Variants in EGFR observed in about 807,000 individuals in gnomAD.
The protein encoded by EGFR is epidermal growth factor receptor.
EGFR carries 58 observed loss-of-function variants against 143.0 expected under a neutral mutation model. That is an observed-to-expected ratio of 0.41 (90% CI 0.33 to 0.50). The LOEUF is 0.50. Ranked by LOEUF, EGFR falls within the 20% of genes least tolerant of loss-of-function variation. The pLI, the probability that EGFR is intolerant of heterozygous loss-of-function variation, is 0.39. For missense variants in EGFR, 1,307 were observed against 1,579.0 expected, an observed-to-expected ratio of 0.83 and a Z score of 2.92; for synonymous variants, 613 against 594.4, an observed-to-expected ratio of 1.03 and a Z score of -0.45.
intron 1 of EGFR, among the ~76,000 whole-genome samples, chr7:55,099,076 T>C (rs10273541): frequency 0.014 from 2,061 of 152,322 alleles, 49 homozygotes; most frequent in African/African-American, 0.047. Context: ...AAACAGAAGA[T>C]GAAAATCAAT....
In EGFR at chr7:55,193,555, T is replaced by A. The variant is rs1413113902; in HGVS notation, c.2701+714T>A. On this transcript the variant is annotated intron_variant, in intron 22 of 27. Transcript: ENST00000275493. Reference sequence around the variant, plus strand: ...TGTCTCTGACCGCTGTGCCAGGCATTTTCTGCTGAATTACCGCACTTGGTC... The same window carrying A: ...TGTCTCTGACCGCTGTGCCAGGCATATTCTGCTGAATTACCGCACTTGGTC... 3.9e-5 allele frequency among the ~76,000 whole-genome samples: 6 copies of A among 152,176 alleles called. No individual in the cohort carries two copies. The South Asian group carries it at 6.2e-4, about 16-fold the overall frequency.
rs1464009610 is a variant in EGFR, at chr7:55,201,797, C to T, written c.3162+15C>T. On this transcript the variant is annotated intron_variant, in intron 26 of 27. Coordinates refer to ENST00000275493, the MANE Select transcript of EGFR (RefSeq NM_005228.5). ...ATAGAAATGGGGTATGTATGAACAC[C>T]TTATAAGCCAGAATTTACAGCTCTC... 1 of 1,614,036 alleles carries T rather than the reference C, an allele frequency of 6.2e-7. No homozygotes were observed. Among genetic ancestry groups the T allele is most frequent in the Non-Finnish European group, 8.5e-7 (1 of 1,179,904 alleles).
chr7:55,116,637 A>G (rs1009700324), intron 1 of EGFR, among the ~76,000 whole-genome samples: 1 of 152,198 alleles, frequency 6.6e-6, no homozygotes, highest in Non-Finnish European at 1.5e-5. Flanking sequence ...ACAGCTGACC[A>G]TACCAGCACC....
chr7:55,019,320 C>A lies in EGFR; in HGVS notation c.43C>A (p.Leu15Met). 6.6e-7 allele frequency: 1 copy of A among 1,522,530 alleles called. No individual in the cohort carries two copies. Among genetic ancestry groups the A allele is most frequent in the Non-Finnish European group, 8.8e-7 (1 of 1,131,202 alleles). The allele number at this position is 1,522,530 out of a possible 1,614,324, so 94.3% of individuals were successfully genotyped here. A position where few individuals can be genotyped will look rare whatever the true frequency, so the allele number is the denominator to read the frequency against. The change falls in exon 1 of 28, where the codon CTG (leucine) becomes ATG (methionine). Residue 15 changes from leucine to methionine, a missense_variant. By Grantham distance (15) the Leu-to-Met change is conservative. Transcript: ENST00000275493. Reference protein sequence around the residue: ...GTAGAALLALLAALCPASRAL... With the variant: ...GTAGAALLALMAALCPASRAL... ...GGCCGGGGCAGCGCTCCTGGCGCTG[C>A]TGGCTGCGCTCTGCCCGGCGAGTCG... is the stretch of plus-strand genomic sequence containing the variant.
At chr7:55,176,939 C>A (rs184010929) in intron 19 of EGFR, among the ~76,000 whole-genome samples, 41 of 144,326 alleles carry the variant, frequency 2.8e-4, no homozygotes, top group Admixed American at 1.5e-3. Flanking sequence ...ATATATATCT[C>A]TCTCTAAATA....
rs712830 is a variant in EGFR at position 55,019,087 on chromosome 7, A to C, written c.-191A>C. ...GCCCCCCGCACGGTGTGAGCGCCCGACGCGGCCGAGGCGGCCGGAGTCCCG... is the reference window on the plus strand; with the variant it reads ...GCCCCCCGCACGGTGTGAGCGCCCGCCGCGGCCGAGGCGGCCGGAGTCCCG... On this transcript the variant is annotated 5_prime_UTR_variant, in exon 1 of 28. Coordinates refer to ENST00000275493, the MANE Select transcript of EGFR (RefSeq NM_005228.5). The C allele has an allele frequency of 0.88, 267,851 of 305,792 alleles. 117,870 individuals are homozygous for C. The highest frequency in any genetic ancestry group is 1 in the East Asian group (17,579 of 17,596). The allele number at this position is 305,792 out of a possible 1,614,324, so 18.9% of individuals were successfully genotyped here.
chr7:55,037,967 G>T (rs1787691488), intron 1 of EGFR, among the ~76,000 whole-genome samples: 1 of 152,186 alleles, frequency 6.6e-6, no homozygotes, highest in Non-Finnish European at 1.5e-5. Context: ...AGTTAGTCGG[G>T]TGCCTCTGCA....
intron 1 of EGFR, among the ~76,000 whole-genome samples, chr7:55,124,200 T>G (rs1160909587): frequency 1.3e-5 from 2 of 152,226 alleles, no homozygotes; most frequent in African/African-American, 4.8e-5. Flanking sequence ...AGTGCTATTG[T>G]CAGAAAATGT....
intron 4 of EGFR, among the ~76,000 whole-genome samples, chr7:55,147,303 C>A (rs532058582): frequency 1.1e-4 from 16 of 152,210 alleles, no homozygotes; most frequent in Non-Finnish European, 2.4e-4. Context: ...GGGAACCAGG[C>A]GCAGGTCAGC....
chr7:55,074,965 T>A, intron 1 of EGFR, among the ~76,000 whole-genome samples: 1 of 152,204 alleles, frequency 6.6e-6, no homozygotes, highest in Non-Finnish European at 1.5e-5. Context: ...ACAATCACAT[T>A]CATGGAAAAT....
rs760194723 is a variant in EGFR at position 55,170,573 on chromosome 7, C to T, written c.1881-602C>T. The T allele has an allele frequency of 3.0e-5, 48 of 1,611,540 alleles. No individual in the cohort carries two copies. The South Asian group carries it at 4.8e-4, about 16-fold the overall frequency. The stretch of plus-strand genomic sequence containing the variant: ...TCATGCCTTCACGTGTCTGTTCCCC[C>T]CGCTTTTCCTTTCTGCCACCCCTGC... On this transcript the variant is annotated intron_variant, in intron 15 of 27. Transcript: ENST00000275493.
At chr7:55,064,720 G>T (rs554044435) in intron 1 of EGFR, among the ~76,000 whole-genome samples, 3 of 152,286 alleles carry the variant, frequency 2.0e-5, no homozygotes, top group African/African-American at 7.2e-5. Context: ...CAAGATAAAG[G>T]CTTCTTAACA....
At chr7:55,143,226 GCTCCCTGGACCCATTTTAGAC>G (rs1209899629) in intron 2 of EGFR, 58 bp from the exon 3 acceptor site, 34 of 1,529,134 alleles carry the variant, frequency 2.2e-5, no homozygotes, top group Non-Finnish European at 3.0e-5. Context: ...GCGTCCTAGG[GCTCCCTGGACCCATTTTAGAC>G]CTTGAGTTCT....
At position 55,027,989 on chromosome 7, in the gene EGFR, A is replaced by AT. The variant is rs1427050656; in HGVS notation, c.88+8624_88+8625insT. Among the ~76,000 whole-genome samples, 139 of 73,936 alleles carry AT rather than the reference A, an allele frequency of 1.9e-3. 1 individual carries two copies. Among genetic ancestry groups the AT allele is most frequent in the South Asian group, 4.3e-3 (7 of 1,640 alleles). 48.5% of individuals were successfully genotyped at this position (73,936 alleles called of 152,430 possible). A position where few individuals can be genotyped will look rare whatever the true frequency, so the allele number is the denominator to read the frequency against. On this transcript the variant is annotated intron_variant, in intron 1 of 27. Transcript: ENST00000275493. ...ATGCCTTTATGTAAAAAAAAAAAAA[A>AT]AAATATATATATATATATATATATA...
intron 20 of EGFR, among the ~76,000 whole-genome samples, chr7:55,187,740 T>C (rs1787203538): frequency 6.6e-6 from 1 of 152,086 alleles, no homozygotes; most frequent in African/African-American, 2.4e-5. Context: ...GCTTAAAAAC[T>C]TCATCAGATC....
chr7:55,190,025 C>T (rs77589382), intron 20 of EGFR, among the ~76,000 whole-genome samples: 6,935 of 152,232 alleles, frequency 0.046, 524 homozygotes, highest in African/African-American at 0.16. Context: ...ACGAGGCAGA[C>T]AGCGGGGGCA....
intron 27 of EGFR, among the ~76,000 whole-genome samples, chr7:55,204,176 GACAC>G (rs910086619): frequency 6.2e-5 from 9 of 145,290 alleles, no homozygotes; most frequent in South Asian, 2.2e-4. Flanking sequence ...CATACACACA[GACAC>G]ACACGACACA....
chr7:55,098,277 C>T (rs924114791), intron 1 of EGFR, among the ~76,000 whole-genome samples: 13 of 152,110 alleles, frequency 8.5e-5, no homozygotes, highest in Non-Finnish European at 8.8e-5. Context: ...AATTTGCAGC[C>T]TTCGGCAGCC....
chr7:55,050,867 G>A (rs1788447099), intron 1 of EGFR, among the ~76,000 whole-genome samples: 1 of 152,204 alleles, frequency 6.6e-6, no homozygotes, highest in African/African-American at 2.4e-5. Context: ...TGTCTGCATA[G>A]TCTGCAGCAC....
Sources: gnomAD v4.1 joint callset for allele counts (sites outside exome capture counted in the v4.1 genomes callset) on GRCh38, gnomAD v4.1.1 for gene constraint, MANE v1.5 for transcripts, NCBI Gene and HGNC (gene_info 2026-07-23, HGNC 2026-07-21) for gene names.